Variants in CLVS2 observed in about 807,000 individuals in gnomAD.
CLVS2 encodes clavesin-2.
Under a neutral mutation model 29.0 loss-of-function variants are expected in CLVS2, and 19 were observed. The observed-to-expected ratio is 0.66, with a 90% CI of 0.46 to 0.96. The LOEUF is 0.96. Ranked by LOEUF, CLVS2 falls within the 40% of genes least tolerant of loss-of-function variation. The probability of loss-of-function intolerance (pLI) is 0.00; values close to 1 mark genes in which losing one functional copy is unlikely to be tolerated. For synonymous variants in CLVS2, 161 were observed against 151.3 expected, an observed-to-expected ratio of 1.06 and a Z score of -0.47; for missense variants, 294 against 404.1, an observed-to-expected ratio of 0.73 and a Z score of 2.34.
chr6:123,042,729 G>T (rs923750915), intron 3 of CLVS2, among the ~76,000 whole-genome samples: 1 of 152,158 alleles, frequency 6.6e-6, no homozygotes, highest in African/African-American at 2.4e-5. Context: ...CGTCAGGAAG[G>T]CAAGTGAATG....
intron 5 of CLVS2, among the ~76,000 whole-genome samples, chr6:123,059,996 A>G (rs983909005): frequency 2.0e-5 from 3 of 152,230 alleles, no homozygotes; most frequent in Admixed American, 6.5e-5. Flanking sequence ...GAAAACTGAA[A>G]AATGAGATTA....
At chr6:123,025,929 A>G (rs1020665255) in intron 3 of CLVS2, among the ~76,000 whole-genome samples, 1 of 152,140 alleles carries the variant, frequency 6.6e-6, no homozygotes, top group African/African-American at 2.4e-5. Flanking sequence ...TAGTCTTGGC[A>G]TCTGTTACCT....
At chr6:123,047,777 AG>A (rs1489874317) in intron 3 of CLVS2, among the ~76,000 whole-genome samples, 1 of 151,850 alleles carries the variant, frequency 6.6e-6, no homozygotes. Context: ...AGACCTTTGT[AG>A]TGAGTTCAAT....
intron 2 of CLVS2, 64 bp downstream of exon 2, chr6:122,998,230 G>A (rs1774541115): frequency 6.6e-7 from 1 of 1,505,166 alleles, no homozygotes; most frequent in Non-Finnish European, 8.9e-7. Context: ...TTTACCCCGA[G>A]TAGTGTCATG....
chr6:123,068,961 G>T lies in CLVS2; in HGVS notation c.*5200G>T, dbSNP rs1772900847. ...GGATCTGCTGCATCTATAAAATGGA[G>T]ATTTCTTTAAAAAATCGTCTAAAAA... On this transcript the variant is annotated 3_prime_UTR_variant, in exon 6 of 6. Coordinates refer to ENST00000275162, the MANE Select transcript of CLVS2 (RefSeq NM_001010852.4). 6.6e-6 allele frequency: 1 copy of T among 151,540 alleles called. No individual in the cohort carries two copies. Among genetic ancestry groups the T allele is most frequent in the African/African-American group, 2.4e-5 (1 of 41,356 alleles). 9.4% of individuals were successfully genotyped at this position (151,540 alleles called of 1,614,324 possible). A position where few individuals can be genotyped will look rare whatever the true frequency, so the allele number is the denominator to read the frequency against.
chr6:123,000,099 A>G (rs187308268), intron 2 of CLVS2, among the ~76,000 whole-genome samples: 4 of 152,324 alleles, frequency 2.6e-5, no homozygotes, highest in East Asian at 1.9e-4. Context: ...AAACTTACAC[A>G]TAATCTTAAA....
chr6:123,021,770 G>A (rs1432274191), intron 3 of CLVS2, among the ~76,000 whole-genome samples: 1 of 152,094 alleles, frequency 6.6e-6, no homozygotes, highest in African/African-American at 2.4e-5. Flanking sequence ...GGGATGAGAT[G>A]CCTTATTACA....
intron 3 of CLVS2, among the ~76,000 whole-genome samples, chr6:123,038,662 A>AT (rs918131213): frequency 1.3e-5 from 2 of 151,986 alleles, no homozygotes; most frequent in African/African-American, 4.8e-5. Flanking sequence ...TAAATAAATT[A>AT]TTTTTTCCTA....
chr6:123,004,670 T>C (rs991581513), intron 2 of CLVS2, among the ~76,000 whole-genome samples: 2 of 152,184 alleles, frequency 1.3e-5, no homozygotes, highest in African/African-American at 4.8e-5. Context: ...GCCAGCACTT[T>C]GGGAGGCCAA....
intron 3 of CLVS2, among the ~76,000 whole-genome samples, chr6:123,016,413 A>T (rs1774835192): frequency 2.6e-5 from 4 of 151,492 alleles, no homozygotes. Flanking sequence ...AGAAACTTGG[A>T]CTTTTTTATA....
chr6:123,018,642 C>A (rs1432745213), intron 3 of CLVS2, among the ~76,000 whole-genome samples: 1 of 147,140 alleles, frequency 6.8e-6, no homozygotes, highest in Non-Finnish European at 1.5e-5. Flanking sequence ...AACTAAAATA[C>A]TCTTTTTTCT....
chr6:123,034,960 C>A (rs747717272), intron 3 of CLVS2, among the ~76,000 whole-genome samples: 2 of 152,050 alleles, frequency 1.3e-5, no homozygotes, highest in Non-Finnish European at 2.9e-5. Context: ...TAAAAATATA[C>A]AGTCAGCATC....
intron 2 of CLVS2, among the ~76,000 whole-genome samples, chr6:123,006,276 G>C (rs563858144): frequency 6.6e-6 from 1 of 152,288 alleles, no homozygotes; most frequent in East Asian, 1.9e-4. Context: ...GGTTGAATAT[G>C]ACCTTGACAG....
intron 3 of CLVS2, among the ~76,000 whole-genome samples, chr6:123,037,165 A>T (rs1052677844): frequency 1.3e-5 from 2 of 152,008 alleles, no homozygotes; most frequent in African/African-American, 4.8e-5. Context: ...GACACTTGAA[A>T]TTCACATCAC....
At position 123,054,826 on chromosome 6, in the gene CLVS2, T is replaced by C. The variant is rs1355761574; in HGVS notation, c.676-980T>C. ...ATGTGGCTTGAATATGCCTCAAGTTTTTTTTTTTTTAAAGCACTATTTAGG... is the reference window on the plus strand; with the variant it reads ...ATGTGGCTTGAATATGCCTCAAGTTCTTTTTTTTTTAAAGCACTATTTAGG... On this transcript the variant is annotated intron_variant, in intron 4 of 5. Transcript: ENST00000275162. 2.0e-5 allele frequency among the ~76,000 whole-genome samples: 3 copies of C among 151,918 alleles called. No individual in the cohort carries two copies. In the East Asian group the frequency reaches 5.8e-4, roughly 29 times the overall value.
chr6:123,015,365 A>G (rs1301482155), intron 3 of CLVS2, among the ~76,000 whole-genome samples: 1 of 152,074 alleles, frequency 6.6e-6, no homozygotes, highest in Non-Finnish European at 1.5e-5. Context: ...ATCAAAGGAA[A>G]GAGAAGTTAG....
chr6:123,055,051 A>C (rs566645109), intron 4 of CLVS2, among the ~76,000 whole-genome samples: 2 of 152,138 alleles, frequency 1.3e-5, no homozygotes, highest in Non-Finnish European at 2.9e-5. Flanking sequence ...TTTAGGAAAA[A>C]TGAGGAGAGC....
Position 122,997,684 on chromosome 6 carries a change from T to C in CLVS2, c.-94T>C. On this transcript the variant is annotated 5_prime_UTR_variant, in exon 2 of 6. Coordinates refer to ENST00000275162, the MANE Select transcript of CLVS2 (RefSeq NM_001010852.4). Reference sequence around the variant, plus strand: ...GGGAGAGGAAGCAGGCAGCAGGAGGTCTGGGGGCTGGAGTCTGGTGGTGGC... The same window carrying C: ...GGGAGAGGAAGCAGGCAGCAGGAGGCCTGGGGGCTGGAGTCTGGTGGTGGC... 2 of 1,238,680 alleles carry C rather than the reference T, an allele frequency of 1.6e-6. No homozygotes were observed. Among genetic ancestry groups the C allele is most frequent in the Non-Finnish European group, 2.3e-6 (2 of 874,532 alleles). 76.7% of individuals were successfully genotyped at this position (1,238,680 alleles called of 1,614,324 possible).
chr6:123,027,094 G>A lies in CLVS2; in HGVS notation c.564+15935G>A, dbSNP rs569604537. ...GTAATGAGTCTAGGCTGTCTGATGT[G>A]AAGAGTTGATCAAAGGAAGGCAAGC... On this transcript the variant is annotated intron_variant, in intron 3 of 5. Transcript: ENST00000275162. Among the ~76,000 whole-genome samples the A allele has an allele frequency of 1.1e-4, 17 of 152,220 alleles. No individual in the cohort carries two copies. In the South Asian group the frequency reaches 3.5e-3, roughly 32 times the overall value.
Sources: allele counts gnomAD v4.1 joint callset (sites outside exome capture counted in the v4.1 genomes callset), GRCh38; gene constraint gnomAD v4.1.1; transcripts MANE v1.5; gene names NCBI Gene and HGNC (gene_info 2026-07-23, HGNC 2026-07-21).